The following OPCML variants were observed in gnomAD, a reference collection of about 807,000 sequenced individuals.
The protein encoded by OPCML is opioid binding protein/cell adhesion molecule like.
Under a neutral mutation model 37.8 loss-of-function variants are expected in OPCML, and 13 were observed. The ratio of observed to expected loss-of-function variants is 0.34; its 90% CI spans 0.22 to 0.55. The LOEUF is 0.55. OPCML is among the 20% of genes least tolerant of loss of function. The pLI, the probability that OPCML is intolerant of heterozygous loss-of-function variation, is 0.91. For synonymous variants in OPCML, 176 were observed against 168.8 expected (o/e 1.04, Z -0.33); for missense variants, 341 against 435.6 (o/e 0.78, Z 1.93).
chr11:132,721,413 C>T (rs1476529354), intron 2 of OPCML, among the ~76,000 whole-genome samples: 1 of 152,044 alleles, frequency 6.6e-6, no homozygotes, highest in Non-Finnish European at 1.5e-5. Flanking sequence ...GGAGGAACAG[C>T]CTGGTAAGGG....
chr11:133,348,008 C>G (rs1365860013), intron 1 of OPCML, among the ~76,000 whole-genome samples: 1 of 152,138 alleles, frequency 6.6e-6, no homozygotes, highest in East Asian at 1.9e-4. Flanking sequence ...AAAAATGCTA[C>G]CCTGTTACAT....
chr11:132,657,584 G>T (rs1941770813), intron 2 of OPCML, among the ~76,000 whole-genome samples: 1 of 152,122 alleles, frequency 6.6e-6, no homozygotes, highest in African/African-American at 2.4e-5. Context: ...TGCTTTCCCT[G>T]TTATTTTTTT....
intron 3 of OPCML, among the ~76,000 whole-genome samples, chr11:132,577,560 A>C (rs2096453672): frequency 6.6e-6 from 1 of 152,174 alleles, no homozygotes; most frequent in African/African-American, 2.4e-5. Flanking sequence ...ACAGCAATGA[A>C]TACCCTACCG....
At chr11:133,497,851 T>C (rs1947818439) in intron 1 of OPCML, among the ~76,000 whole-genome samples, 1 of 152,334 alleles carries the variant, frequency 6.6e-6, no homozygotes, top group Non-Finnish European at 1.5e-5. Flanking sequence ...ATCCTCTTTA[T>C]TAAACCTGGG....
intron 2 of OPCML, among the ~76,000 whole-genome samples, chr11:132,906,017 G>T (rs888903711): frequency 6.6e-6 from 1 of 152,202 alleles, no homozygotes; most frequent in African/African-American, 2.4e-5. Flanking sequence ...ATGTGAGCAT[G>T]AAGCCTCTCT....
chr11:132,677,953 G>T (rs1353936067), intron 2 of OPCML, among the ~76,000 whole-genome samples: 1 of 152,052 alleles, frequency 6.6e-6, no homozygotes, highest in Non-Finnish European at 1.5e-5. Flanking sequence ...ACTGTCAAAA[G>T]AATTCAAAGA....
chr11:132,993,590 C>G (rs1390483434), intron 1 of OPCML, among the ~76,000 whole-genome samples: 2 of 152,108 alleles, frequency 1.3e-5, no homozygotes, highest in African/African-American at 2.4e-5. Context: ...ATGCGCTGCC[C>G]CGCTCCCTAC....
intron 1 of OPCML, among the ~76,000 whole-genome samples, chr11:132,952,431 A>G (rs1268170674): frequency 6.6e-6 from 1 of 152,200 alleles, no homozygotes; most frequent in Non-Finnish European, 1.5e-5. Flanking sequence ...TGCACAATTA[A>G]TGCAGGAAAT....
intron 2 of OPCML, among the ~76,000 whole-genome samples, chr11:132,685,420 T>G (rs1943122963): frequency 6.6e-6 from 1 of 152,192 alleles, no homozygotes; most frequent in African/African-American, 2.4e-5. Flanking sequence ...AGCCTACATT[T>G]TCTTTGGTGC....
chr11:133,006,969 G>T, intron 1 of OPCML: 1 of 985,408 alleles, frequency 1.0e-6, no homozygotes, highest in South Asian at 4.7e-5. Flanking sequence ...CAAAATACCT[G>T]AACTGTTAAT....
At chr11:133,090,760 A>T (rs982456014) in intron 1 of OPCML, among the ~76,000 whole-genome samples, 16 of 152,232 alleles carry the variant, frequency 1.1e-4, no homozygotes, top group African/African-American at 3.6e-4. Context: ...CAGAATTTAT[A>T]ATTAAAGAGA....
intron 1 of OPCML, among the ~76,000 whole-genome samples, chr11:133,139,280 C>T (rs920802996): frequency 2.0e-5 from 3 of 152,166 alleles, no homozygotes; most frequent in African/African-American, 7.2e-5. Context: ...AAACAATAAT[C>T]GTTGCTAGCA....
At chr11:133,055,866 A>G (rs574191028) in intron 1 of OPCML, among the ~76,000 whole-genome samples, 1 of 151,248 alleles carries the variant, frequency 6.6e-6, no homozygotes, top group South Asian at 2.1e-4. Flanking sequence ...TGCTGCCTCC[A>G]TGGTACTTCC....
At chr11:133,515,415 G>A (rs951230244) in intron 1 of OPCML, among the ~76,000 whole-genome samples, 1 of 152,192 alleles carries the variant, frequency 6.6e-6, no homozygotes, top group Non-Finnish European at 1.5e-5. Context: ...CTGGAGGCCA[G>A]GGATGTTGCT....
intron 2 of OPCML, among the ~76,000 whole-genome samples, chr11:132,853,243 C>T (rs1941895669): frequency 2.0e-5 from 3 of 152,132 alleles, no homozygotes; most frequent in Admixed American, 1.3e-4. Flanking sequence ...AATTCATCAC[C>T]ATGACTTGAC....
chr11:133,372,649 G>C (rs1267009403), intron 1 of OPCML, among the ~76,000 whole-genome samples: 1 of 152,162 alleles, frequency 6.6e-6, no homozygotes, highest in Non-Finnish European at 1.5e-5. Context: ...ATGTGTTTGA[G>C]AAACAATAAA....
chr11:132,582,106 G>T (rs934939438), intron 3 of OPCML, among the ~76,000 whole-genome samples: 18 of 7,456 alleles, frequency 2.4e-3, no homozygotes, highest in Admixed American at 7.0e-3. Context: ...CACATACTTT[G>T]TGTGTGTGTG....
chr11:132,773,937 T>C (rs576627281), intron 2 of OPCML, among the ~76,000 whole-genome samples: 10 of 152,312 alleles, frequency 6.6e-5, no homozygotes, highest in Admixed American at 4.6e-4. Flanking sequence ...CACATTTTAA[T>C]TGAGTTTTGT....
intron 4 of OPCML, among the ~76,000 whole-genome samples, chr11:132,477,155 T>C (rs556009460): frequency 6.6e-6 from 1 of 152,296 alleles, no homozygotes; most frequent in African/African-American, 2.4e-5. Context: ...CCAATGATTT[T>C]CAAATGAGGA....
Sources: gnomAD v4.1 joint callset for allele counts (sites outside exome capture counted in the v4.1 genomes callset) on GRCh38, gnomAD v4.1.1 for gene constraint, MANE v1.5 for transcripts, NCBI Gene and HGNC (gene_info 2026-07-23, HGNC 2026-07-21) for gene names.